Variants in HNF4A observed in about 807,000 individuals in gnomAD.
The protein encoded by HNF4A is hepatocyte nuclear factor 4 alpha.
HNF4A carries 15 observed loss-of-function variants against 52.4 expected under a neutral mutation model. That is an observed-to-expected ratio of 0.29 (90% CI 0.19 to 0.44). The LOEUF (loss-of-function observed/expected upper bound fraction) is 0.44, where lower values mean the gene tolerates loss of function less well. Ranked by LOEUF, HNF4A falls within the 20% of genes least tolerant of loss-of-function variation. The pLI, the probability that HNF4A is intolerant of heterozygous loss-of-function variation, is 1.00. For missense variants in HNF4A, 479 were observed against 647.2 expected (o/e 0.74, Z 2.82); for synonymous variants, 280 against 264.4 (o/e 1.06, Z -0.57).
chr20:44,409,333 T>G (rs967461307), intron 3 of HNF4A, among the ~76,000 whole-genome samples: 1 of 152,346 alleles, frequency 6.6e-6, no homozygotes, highest in Non-Finnish European at 1.5e-5. Flanking sequence ...AATGGGAACC[T>G]GATGCATGTG....
intron 1 of HNF4A, chr20:44,392,024 G>A (rs185582648): frequency 7.9e-5 from 12 of 152,126 alleles, no homozygotes; most frequent in South Asian, 4.2e-4. Context: ...TAATATGACC[G>A]GTGTGCAGTC....
rs369168365 is a variant in HNF4A at position 44,432,831 on chromosome 20, G to A, written c.*3166G>A. 3.9e-5 allele frequency: 6 copies of A among 152,062 alleles called. No individual in the cohort carries two copies. The highest frequency in any genetic ancestry group is 6.6e-5 in the Admixed American group (1 of 15,260). 9.4% of individuals were successfully genotyped at this position (152,062 alleles called of 1,614,324 possible). On this transcript the variant is annotated 3_prime_UTR_variant, in exon 10 of 10. Coordinates refer to ENST00000316099, the MANE Select transcript of HNF4A (RefSeq NM_000457.6). ...AAGTTTATAAAACAAAATAAATGGC[G>A]CATATGTTTTCTAAGTCCTTGGATA...
rs1365285441 is a variant in HNF4A at position 44,428,597 on chromosome 20, G to C, written c.1282+110G>C. ...AGAACCAGGATGCAACAGTTTTCTG[G>C]GTTCCAGGGTAGGGAATAAAGGGCA... On this transcript the variant is annotated intron_variant, in intron 9 of 9. Transcript: ENST00000316099. 3 of 1,088,310 alleles carry C rather than the reference G, an allele frequency of 2.8e-6. No individual in the cohort carries two copies. In the East Asian group the frequency reaches 7.7e-5, roughly 28 times the overall value. 67.4% of individuals were successfully genotyped at this position (1,088,310 alleles called of 1,614,324 possible).
At chr20:44,376,172 G>A (rs1029350172) in intron 1 of HNF4A, among the ~76,000 whole-genome samples, 9 of 152,180 alleles carry the variant, frequency 5.9e-5, no homozygotes, top group African/African-American at 2.2e-4. Context: ...GGCTGAGGCA[G>A]GAGAATTGCT....
At chr20:44,384,936 C>T (rs2063201013) in intron 1 of HNF4A, among the ~76,000 whole-genome samples, 1 of 151,874 alleles carries the variant, frequency 6.6e-6, no homozygotes, top group Non-Finnish European at 1.5e-5. Flanking sequence ...CCAGAAAGAA[C>T]ACAGTCTGAC....
chr20:44,418,178 GTT>G (rs2063692749), intron 5 of HNF4A, among the ~76,000 whole-genome samples: 2 of 152,098 alleles, frequency 1.3e-5, no homozygotes, highest in Non-Finnish European at 2.9e-5. Context: ...GCACGAAGCA[GTT>G]TCTTGCCCAA....
At chr20:44,402,300 G>A (rs969197822) in intron 1 of HNF4A, among the ~76,000 whole-genome samples, 8 of 152,132 alleles carry the variant, frequency 5.3e-5, no homozygotes, top group African/African-American at 1.7e-4. Context: ...TGTGTGTGCG[G>A]GTCATAGAGC....
At chr20:44,365,736 G>A (rs900076202) in intron 1 of HNF4A, among the ~76,000 whole-genome samples, 20 of 152,160 alleles carry the variant, frequency 1.3e-4, no homozygotes, top group Non-Finnish European at 2.6e-4. Context: ...GCCGGACGCC[G>A]TGGCTCATGC....
At chr20:44,413,916 G>T in intron 4 of HNF4A, 116 bp downstream of exon 4, 1 of 742,054 alleles carries the variant, frequency 1.3e-6, no homozygotes, top group East Asian at 2.7e-5. Flanking sequence ...AGGGGCCTCA[G>T]ATATTACAGA....
At chr20:44,404,326 G>C (rs758380718) in intron 1 of HNF4A, among the ~76,000 whole-genome samples, 6 of 152,144 alleles carry the variant, frequency 3.9e-5, no homozygotes, top group African/African-American at 1.4e-4. Flanking sequence ...ATGTCACACG[G>C]CTAAAAAGTG....
chr20:44,385,059 CTTTTTTTTTTTTTTT>C (rs775721024), intron 1 of HNF4A, among the ~76,000 whole-genome samples: 13 of 34,986 alleles, frequency 3.7e-4, no homozygotes, highest in Non-Finnish European at 5.0e-4. Flanking sequence ...ACTCTGTGAT[CTTTTTTTTTTTTTTT>C]TTTTTTTTTT....
At chr20:44,382,286 T>C (rs1447689498) in intron 1 of HNF4A, among the ~76,000 whole-genome samples, 1 of 151,282 alleles carries the variant, frequency 6.6e-6, no homozygotes, top group Non-Finnish European at 1.5e-5. Context: ...GCTGCCGGGC[T>C]AGAGTGCGGT....
At chr20:44,423,871 C>A in intron 7 of HNF4A, 147 bp from the exon 8 acceptor site, 1 of 711,214 alleles carries the variant, frequency 1.4e-6, no homozygotes. Context: ...TGCTGGCGTA[C>A]CCTGGTTGTT....
At chr20:44,412,430 G>C (rs1202219380) in intron 3 of HNF4A, among the ~76,000 whole-genome samples, 1 of 152,156 alleles carries the variant, frequency 6.6e-6, no homozygotes, top group Non-Finnish European at 1.5e-5. Flanking sequence ...GGAACCCCAG[G>C]CAGTGACCAC....
At chr20:44,402,406 G>A in intron 1 of HNF4A, 3 of 373,670 alleles carry the variant, frequency 8.0e-6, no homozygotes, top group South Asian at 4.0e-5. Flanking sequence ...ATTTGTACCT[G>A]CTGTGTATAT....
chr20:44,355,874 A>C (rs767513856), intron 1 of HNF4A, 21 bp downstream of exon 1: 3 of 1,607,166 alleles, frequency 1.9e-6, no homozygotes, highest in Non-Finnish European at 2.6e-6. Flanking sequence ...CTGGGGGAAG[A>C]CTGGACAGGG....
At chr20:44,396,924 G>T (rs1019260250), upstream of HNF4A, among the ~76,000 whole-genome samples, 3 of 152,186 alleles carry the variant, frequency 2.0e-5, no homozygotes, top group Admixed American at 6.5e-5. Flanking sequence ...AGAGAGGTCA[G>T]GGGAAGAGAG....
chr20:44,405,982 A>T, intron 1 of HNF4A, 76 bp from the exon 2 acceptor site: 1 of 1,399,004 alleles, frequency 7.1e-7, no homozygotes, highest in South Asian at 1.2e-5. Context: ...AGCCCTGGAG[A>T]GATCCCCGCA....
At chr20:44,419,926 C>T (rs2063721252) in intron 7 of HNF4A, 50 bp downstream of exon 7, 3 of 1,577,412 alleles carry the variant, frequency 1.9e-6, no homozygotes, top group Non-Finnish European at 1.7e-6. Context: ...CCAGAACGCT[C>T]TGCCAGACTT....
Sources: gnomAD v4.1 joint callset for allele counts (sites outside exome capture counted in the v4.1 genomes callset) on GRCh38, gnomAD v4.1.1 for gene constraint, MANE v1.5 for transcripts, NCBI Gene and HGNC (gene_info 2026-07-23, HGNC 2026-07-21) for gene names.